NSMCE4A: variants seen among roughly 807,000 people sequenced by gnomAD.
NSMCE4A encodes NSE4A component of SMC5/6 complex.
In NSMCE4A, 40 loss-of-function variants were observed where a neutral mutation model predicts 47.9. The ratio of observed to expected loss-of-function variants is 0.83; its 90% CI spans 0.65 to 1.09. The LOEUF is 1.09. Among genes scored for constraint, NSMCE4A ranks in the 50% least tolerant of loss-of-function variants. NSMCE4A has a pLI of 0.00. For synonymous variants in NSMCE4A, 166 were observed against 178.5 expected, an observed-to-expected ratio of 0.93 and a Z score of 0.56; for missense variants, 500 against 507.0, an observed-to-expected ratio of 0.99 and a Z score of 0.13.
In NSMCE4A at chr10:121,974,855, C is replaced by T. The variant is rs751882124; in HGVS notation, c.292+19G>A. Reference sequence around the variant, plus strand: ...CAGCGGCCCGTCCGGGCCCGCGCCGCCCGGAGGCGCCGCCTTACGTTGGAC... The same window carrying T: ...CAGCGGCCCGTCCGGGCCCGCGCCGTCCGGAGGCGCCGCCTTACGTTGGAC... On this transcript the variant is annotated intron_variant, in intron 1 of 10. Transcript: ENST00000369023. 1 of 1,451,530 alleles carries T rather than the reference C, an allele frequency of 6.9e-7. No individual in the cohort carries two copies. The highest frequency in any genetic ancestry group is 9.1e-7 in the Non-Finnish European group (1 of 1,102,292). The allele number at this position is 1,451,530 out of a possible 1,614,324, so 89.9% of individuals were successfully genotyped here.
chr10:121,973,613 A>G (rs920301537), intron 2 of NSMCE4A, among the ~76,000 whole-genome samples: 56 of 152,190 alleles, frequency 3.7e-4, no homozygotes, highest in African/African-American at 1.3e-3. Context: ...AGGAAGGCAA[A>G]ACAGAATGGG....
At chr10:121,967,538 C>T (rs1952629346) in intron 4 of NSMCE4A, 117 bp downstream of exon 4, 5 of 1,154,790 alleles carry the variant, frequency 4.3e-6, no homozygotes, top group Middle Eastern at 3.0e-4. Flanking sequence ...CAAAAGTCTC[C>T]AAACAACGGC....
chr10:121,969,126 C>T (rs750461441), intron 3 of NSMCE4A, among the ~76,000 whole-genome samples: 1 of 152,166 alleles, frequency 6.6e-6, no homozygotes, highest in Non-Finnish European at 1.5e-5. Flanking sequence ...GGGTGGATCA[C>T]GAAGTCAGGA....
rs1952479916 is a variant in NSMCE4A at position 121,960,561 on chromosome 10, G to A, written c.940-155C>T. On this transcript the variant is annotated intron_variant, in intron 7 of 10. Transcript: ENST00000369023. The surrounding 1 kb of genome is among the most constrained non-coding windows in gnomAD (Gnocchi z 4.2). ...TGATGATATAGATAAGACTTCCCTA[G>A]TATCTTTTATTTACACAGGGTATCT... Among the ~76,000 whole-genome samples the A allele has an allele frequency of 6.6e-6, 1 of 152,152 alleles. No individual in the cohort carries two copies. The highest frequency in any genetic ancestry group is 2.4e-5 in the African/African-American group (1 of 41,430).
intron 7 of NSMCE4A, 83 bp downstream of exon 7, chr10:121,961,340 T>C (rs1952493595): frequency 1.1e-6 from 1 of 909,228 alleles, no homozygotes; most frequent in Non-Finnish European, 1.7e-6. Context: ...ACAGATACCT[T>C]TGCCAGCTCC....
intron 2 of NSMCE4A, 98 bp from the exon 3 acceptor site, chr10:121,971,167 G>T (rs1263262563): frequency 5.2e-6 from 4 of 775,590 alleles, no homozygotes; most frequent in African/African-American, 3.7e-5. Context: ...TTTCCCACTG[G>T]ACTAAAAAAA....
chr10:121,971,947 A>G (rs1952722271), intron 2 of NSMCE4A, among the ~76,000 whole-genome samples: 1 of 152,190 alleles, frequency 6.6e-6, no homozygotes, highest in Non-Finnish European at 1.5e-5. Context: ...GCAGGTAGTG[A>G]CCCGAGGACG....
Position 121,975,128 on chromosome 10 carries a change from C to CGGCCCT in NSMCE4A, c.32_37dup (p.Gly12_Arg13insGlnGly), listed in dbSNP as rs1952794020. ...CCGATGCGGGTCGCGGCCCCGGCCC[C>CGGCCCT]GGCCCTCTGGCCCGCGGCCGCTGCT... is the stretch of plus-strand genomic sequence containing the variant. On this transcript the variant is annotated inframe_insertion, in exon 1 of 11. Coordinates refer to ENST00000369023, the MANE Select transcript of NSMCE4A (RefSeq NM_017615.3). The CGGCCCT allele has an allele frequency of 9.2e-6, 13 of 1,419,486 alleles. No individual in the cohort carries two copies. In the South Asian group the frequency reaches 1.3e-4, roughly 15 times the overall value. 87.9% of individuals were successfully genotyped at this position (1,419,486 alleles called of 1,614,324 possible). A position where few individuals can be genotyped will look rare whatever the true frequency, so the allele number is the denominator to read the frequency against.
intron 3 of NSMCE4A, among the ~76,000 whole-genome samples, chr10:121,970,306 AC>A (rs1171351809): frequency 4.0e-5 from 6 of 151,672 alleles, no homozygotes; most frequent in Non-Finnish European, 8.8e-5. Context: ...CCCCGTCTCT[AC>A]TAAAAATACA....
At position 121,963,854 on chromosome 10, in the gene NSMCE4A, T is replaced by C. The variant is rs536734346; in HGVS notation, c.754-526A>G. Among the ~76,000 whole-genome samples, 20 of 145,758 alleles carry C rather than the reference T, an allele frequency of 1.4e-4. No homozygotes were observed. In the East Asian group the frequency reaches 3.9e-3, roughly 29 times the overall value. On this transcript the variant is annotated intron_variant, in intron 5 of 10. Coordinates refer to ENST00000369023, the MANE Select transcript of NSMCE4A (RefSeq NM_017615.3). ...GACATCGCGCCTGTAATCCCTGCGC[T>C]GTAGGAGGCTGAGGCAGGTGGATCA...
At chr10:121,971,372 T>TGGTGGCGGGCGC (rs1386590903) in intron 2 of NSMCE4A, among the ~76,000 whole-genome samples, 1 of 151,994 alleles carries the variant, frequency 6.6e-6, no homozygotes, top group African/African-American at 2.4e-5. Context: ...TAGCAGGGCG[T>TGGTGGCGGGCGC]GGTGGCGGGC....
At chr10:121,969,769 G>A (rs1952672642) in intron 3 of NSMCE4A, among the ~76,000 whole-genome samples, 1 of 152,210 alleles carries the variant, frequency 6.6e-6, no homozygotes, top group Non-Finnish European at 1.5e-5. Context: ...AGGCTGGAGT[G>A]CAGTGGCGCG....
intron 2 of NSMCE4A, among the ~76,000 whole-genome samples, chr10:121,972,898 T>G (rs1204263134): frequency 1.3e-5 from 2 of 152,152 alleles, no homozygotes; most frequent in African/African-American, 4.8e-5. Flanking sequence ...AAAGAACTAG[T>G]CATCCTCAGC....
chr10:121,973,689 T>C (rs1363318214), intron 2 of NSMCE4A, among the ~76,000 whole-genome samples: 1 of 152,138 alleles, frequency 6.6e-6, no homozygotes, highest in Admixed American at 6.5e-5. Flanking sequence ...AACCAATGTA[T>C]ACTAGGGATA....
At chr10:121,966,799 T>G (rs1456393686) in intron 4 of NSMCE4A, 1 of 152,196 alleles carries the variant, frequency 6.6e-6, no homozygotes, top group African/African-American at 2.4e-5. Context: ...GAAGAGCCAG[T>G]AAGAGCTGTT....
At chr10:121,963,111 G>T in intron 6 of NSMCE4A, 127 bp downstream of exon 6, 2 of 441,150 alleles carry the variant, frequency 4.5e-6, no homozygotes, top group Non-Finnish European at 4.0e-6. Flanking sequence ...AAGGGGAGAA[G>T]AATCCTCATA....
At position 121,960,405 on chromosome 10, in the gene NSMCE4A, T is replaced by C; in HGVS notation, c.941A>G (p.Asp314Gly). 2.7e-6 allele frequency: 4 copies of C among 1,506,616 alleles called. No homozygotes were observed. The highest frequency in any genetic ancestry group is 3.5e-6 in the Non-Finnish European group (4 of 1,141,464). The allele number at this position is 1,506,616 out of a possible 1,614,324, so 93.3% of individuals were successfully genotyped here. ...NIFHVSFIIR[D>G]GFARIRLDQD... is the part of the protein sequence containing the mutation. ...GTCAAGTCTTATTCTTGCAAAACCA[T>C]CCTAAAACGAAAACATGATTTTAGG... Residue 314 changes from aspartate (D) to glycine (G), a missense_variant and splice_region_variant, in exon 8 of 11, where the codon GAT (aspartate) becomes GGT (glycine). Asp to Gly is a moderately conservative substitution (Grantham distance 94). Transcript: ENST00000369023. This position sits in a 1 kb window ranked among gnomAD's most constrained non-coding sequence, Gnocchi z 4.2.
intron 1 of NSMCE4A, 64 bp downstream of exon 1, chr10:121,974,810 C>A: frequency 1.6e-6 from 2 of 1,243,078 alleles, no homozygotes; most frequent in Non-Finnish European, 2.0e-6. Flanking sequence ...CCTCCCCCCG[C>A]GCCCGGCGCA....
rs1952791084 is a variant in NSMCE4A at position 121,974,994 on chromosome 10, T to A, written c.172A>T (p.Thr58Ser). 1.3e-6 allele frequency: 2 copies of A among 1,518,272 alleles called. No individual in the cohort carries two copies. Among genetic ancestry groups the A allele is most frequent in the Non-Finnish European group, 1.8e-6 (2 of 1,135,894 alleles). The allele number at this position is 1,518,272 out of a possible 1,614,324, so 94.1% of individuals were successfully genotyped here. The change falls in exon 1 of 11, where the codon ACA becomes TCA. Residue 58 changes from threonine (T) to serine (S), a missense_variant. Coordinates refer to ENST00000369023, the MANE Select transcript of NSMCE4A (RefSeq NM_017615.3). Reference protein sequence around the residue: ...EAPERPSLEDTEPSDSGDEMM... With the variant: ...EAPERPSLEDSEPSDSGDEMM... ...TCGTCCCCGGAATCCGACGGCTCTG[T>A]GTCCTCCAGGCTCGGGCGCTCTGGG... is the stretch of plus-strand genomic sequence containing the variant.
Sources: allele counts gnomAD v4.1 joint callset (sites outside exome capture counted in the v4.1 genomes callset), GRCh38; gene constraint gnomAD v4.1.1; non-coding constraint Gnocchi (gnomAD v3.1); transcripts MANE v1.5; gene names NCBI Gene and HGNC (gene_info 2026-07-23, HGNC 2026-07-21).